Variants in APBA2 observed in about 807,000 individuals in gnomAD.
APBA2 encodes the protein amyloid-beta A4 precursor protein-binding family A member 2.
In APBA2, 30 loss-of-function variants were observed where a neutral mutation model predicts 75.0. The ratio of observed to expected loss-of-function variants is 0.40; its 90% confidence interval spans 0.30 to 0.54. APBA2 has a LOEUF of 0.54. Ranked by LOEUF, APBA2 falls within the 20% of genes least tolerant of loss-of-function variation. APBA2 has a pLI of 0.49. For missense variants in APBA2, 801 were observed against 1,016.1 expected (o/e 0.79, Z 2.88); for synonymous variants, 444 against 409.6 (o/e 1.08, Z -1.01).
At chr15:29,078,752 A>G (rs1166159717) in intron 6 of APBA2, among the ~76,000 whole-genome samples, 2 of 152,042 alleles carry the variant, frequency 1.3e-5, no homozygotes, top group Non-Finnish European at 2.9e-5. Context: ...ATCGTCACAC[A>G]GTGTGTGGGC....
At chr15:29,104,375 C>T (rs1484564593) in intron 10 of APBA2, among the ~76,000 whole-genome samples, 1 of 152,222 alleles carries the variant, frequency 6.6e-6, no homozygotes, top group Non-Finnish European at 1.5e-5. Context: ...CGCCGCGCTC[C>T]CAGGGCTGCA....
At chr15:29,045,793 GAAC>G (rs751682467) in intron 3 of APBA2, among the ~76,000 whole-genome samples, 7 of 152,132 alleles carry the variant, frequency 4.6e-5, no homozygotes, top group Admixed American at 1.3e-4. Context: ...TTCCTATTAA[GAAC>G]ACAGAGCAAA....
rs549282158 is a variant in APBA2 at position 29,013,389 on chromosome 15, C to G, written c.-41+17583C>G. Among the ~76,000 whole-genome samples the G allele has an allele frequency of 2.0e-5, 3 of 151,272 alleles. No individual in the cohort carries two copies. The East Asian group carries it at 5.9e-4, about 30-fold the overall frequency. ...CCGCCTCACGGGTTCACGCCATTCTCCTGCCTCAGCCTCCCAAGTAGCTGG... is the reference window on the plus strand; with the variant it reads ...CCGCCTCACGGGTTCACGCCATTCTGCTGCCTCAGCCTCCCAAGTAGCTGG... On this transcript the variant is annotated intron_variant, in intron 3 of 14. Coordinates refer to ENST00000683413, the MANE Select transcript of APBA2 (RefSeq NM_001353788.2).
intron 3 of APBA2, among the ~76,000 whole-genome samples, chr15:29,038,558 T>C (rs1254979926): frequency 6.6e-6 from 1 of 152,028 alleles, no homozygotes; most frequent in Non-Finnish European, 1.5e-5. Context: ...AAGATAGTAC[T>C]GAAGCATTAG....
intron 2 of APBA2, among the ~76,000 whole-genome samples, chr15:28,979,941 C>T (rs2037536858): frequency 6.6e-6 from 1 of 152,172 alleles, no homozygotes; most frequent in African/African-American, 2.4e-5. Flanking sequence ...ATTGGTGGAG[C>T]AGGGCTTACT....
At chr15:28,887,775 C>T (rs2152596458) in intron 1 of APBA2, among the ~76,000 whole-genome samples, 1 of 152,298 alleles carries the variant, frequency 6.6e-6, no homozygotes, top group African/African-American at 2.4e-5. Flanking sequence ...GGCAGCCTTC[C>T]CTCGGTGGGC....
chr15:29,055,562 A>G (rs2152891622), intron 4 of APBA2, among the ~76,000 whole-genome samples: 1 of 152,134 alleles, frequency 6.6e-6, no homozygotes, highest in East Asian at 1.9e-4. Context: ...TGATTATTGG[A>G]CTTGTGTGAA....
At chr15:29,068,975 C>A (rs148332312) in intron 4 of APBA2, among the ~76,000 whole-genome samples, 11 of 152,116 alleles carry the variant, frequency 7.2e-5, no homozygotes, top group Admixed American at 2.0e-4. Flanking sequence ...TTTTCGCTGC[C>A]CCCAGAGGAG....
intron 2 of APBA2, among the ~76,000 whole-genome samples, chr15:28,978,097 G>C (rs565571702): frequency 6.6e-6 from 1 of 152,174 alleles, no homozygotes; most frequent in Non-Finnish European, 1.5e-5. Flanking sequence ...ACCGTGGCTC[G>C]GATGGATTAG....
chr15:29,067,991 C>G (rs1277558968), intron 4 of APBA2, among the ~76,000 whole-genome samples: 2 of 152,210 alleles, frequency 1.3e-5, no homozygotes, highest in Admixed American at 1.3e-4. Context: ...AAAATGCTCT[C>G]TGGAAACCAA....
chr15:29,032,339 C>T (rs1404950247), intron 3 of APBA2, among the ~76,000 whole-genome samples: 3 of 152,274 alleles, frequency 2.0e-5, no homozygotes, highest in Middle Eastern at 3.4e-3. Flanking sequence ...GGGCCTAATT[C>T]GATCAGTTGA....
rs900738869 is a variant in APBA2 at position 29,107,062 on chromosome 15, G to A, written c.1917+243G>A. ...GGGTGGGAAGGGAGGGGTTGTCTGA[G>A]CCCTGTACCGAGCCATGTGGCCCTG... On this transcript the variant is annotated intron_variant, in intron 12 of 14. Transcript: ENST00000683413. Among the ~76,000 whole-genome samples the A allele has an allele frequency of 9.2e-5, 14 of 152,322 alleles. 1 individual carries two copies. In the East Asian group the frequency reaches 2.7e-3, roughly 30 times the overall value.
At chr15:29,041,566 A>T (rs2041048134) in intron 3 of APBA2, among the ~76,000 whole-genome samples, 1 of 152,024 alleles carries the variant, frequency 6.6e-6, no homozygotes. Context: ...CTACATATAA[A>T]TAAGAAAATA....
At chr15:28,899,191 C>T in intron 1 of APBA2, among the ~76,000 whole-genome samples, 1 of 152,240 alleles carries the variant, frequency 6.6e-6, no homozygotes, top group East Asian at 1.9e-4. Flanking sequence ...TCTATGGCAC[C>T]ACCTGGCTAC....
chr15:28,929,690 A>G (rs1195559966), intron 2 of APBA2, among the ~76,000 whole-genome samples: 1 of 152,070 alleles, frequency 6.6e-6, no homozygotes, highest in African/African-American at 2.4e-5. Context: ...CATTCTCAGT[A>G]TTTGGCTTTT....
chr15:28,895,654 C>T (rs1272105616), intron 1 of APBA2: 3 of 152,500 alleles, frequency 2.0e-5, no homozygotes, highest in African/African-American at 7.2e-5. Context: ...CTGTTTTTCT[C>T]ACTGGCATGG....
intron 2 of APBA2, among the ~76,000 whole-genome samples, chr15:28,952,008 C>G (rs1025240630): frequency 2.0e-5 from 3 of 151,618 alleles, no homozygotes; most frequent in African/African-American, 7.3e-5. Flanking sequence ...CTTGCCTCAG[C>G]CTCCTGAGTA....
intron 2 of APBA2, among the ~76,000 whole-genome samples, chr15:28,922,474 G>A (rs1208827423): frequency 1.3e-5 from 2 of 152,190 alleles, no homozygotes; most frequent in South Asian, 4.1e-4. Flanking sequence ...CTCCTGCAGA[G>A]GTGGGAGCAT....
intron 6 of APBA2, among the ~76,000 whole-genome samples, chr15:29,082,741 A>T (rs2043136165): frequency 6.6e-6 from 1 of 152,130 alleles, no homozygotes; most frequent in Non-Finnish European, 1.5e-5. Flanking sequence ...TAGTGTGACC[A>T]TCACACTCCT....
Sources: allele counts gnomAD v4.1 joint callset (sites outside exome capture counted in the v4.1 genomes callset), GRCh38; gene constraint gnomAD v4.1.1; transcripts MANE v1.5; gene names NCBI Gene and HGNC (gene_info 2026-07-23, HGNC 2026-07-21).